TMPRSS11E: variants seen among roughly 807,000 people sequenced by gnomAD.
The protein encoded by TMPRSS11E is transmembrane protease serine 11E.
In TMPRSS11E, 38 loss-of-function variants were observed where a neutral mutation model predicts 48.1. The observed-to-expected ratio is 0.79, with a 90% CI of 0.61 to 1.04. The LOEUF is 1.04. Among genes scored for constraint, TMPRSS11E ranks in the 50% least tolerant of loss-of-function variants. The pLI, the probability that TMPRSS11E is intolerant of heterozygous loss-of-function variation, is 0.00. For missense variants in TMPRSS11E, 530 were observed against 510.8 expected (o/e 1.04, Z -0.36); for synonymous variants, 158 against 171.9 (o/e 0.92, Z 0.63).
intron 9 of TMPRSS11E, among the ~76,000 whole-genome samples, chr4:68,492,894 G>A (rs893153019): frequency 6.6e-6 from 1 of 152,222 alleles, no homozygotes; most frequent in African/African-American, 2.4e-5. Flanking sequence ...AATCATTGAT[G>A]GTTTAGATAT....
At position 68,482,786 on chromosome 4, in the gene TMPRSS11E, A is replaced by AT. The variant is rs1729445444; in HGVS notation, c.1110+3795_1110+3796insT. Among the ~76,000 whole-genome samples, 9 of 152,032 alleles carry AT rather than the reference A, an allele frequency of 5.9e-5. No individual in the cohort carries two copies. In the South Asian group the frequency reaches 1.9e-3, roughly 32 times the overall value. On this transcript the variant is annotated intron_variant, in intron 9 of 9. Transcript: ENST00000305363. Reference sequence around the variant, plus strand: ...GACTTCATCTTGGGGAAAAAAAAAAAGTCTGAAGTCCAAAGTCTCATCTGA... The same window carrying AT: ...GACTTCATCTTGGGGAAAAAAAAAAATGTCTGAAGTCCAAAGTCTCATCTGA...
chr4:68,474,210 G>A (rs929458185), intron 5 of TMPRSS11E, among the ~76,000 whole-genome samples: 2 of 152,100 alleles, frequency 1.3e-5, no homozygotes, highest in African/African-American at 4.8e-5. Context: ...TTCAAAAAGG[G>A]TAACATTGTT....
chr4:68,463,302 C>T (rs534561128), intron 2 of TMPRSS11E, among the ~76,000 whole-genome samples: 3 of 152,034 alleles, frequency 2.0e-5, no homozygotes, highest in African/African-American at 7.2e-5. Flanking sequence ...TTCTGTAGCA[C>T]ACTTTTTTTT....
chr4:68,471,974 A>AT (rs1578138638), intron 5 of TMPRSS11E, among the ~76,000 whole-genome samples: 1 of 151,942 alleles, frequency 6.6e-6, no homozygotes, highest in African/African-American at 2.4e-5. Context: ...GGAAAGGTTC[A>AT]TGCCATTTAC....
intron 9 of TMPRSS11E, among the ~76,000 whole-genome samples, chr4:68,495,877 G>C (rs554822536): frequency 6.6e-6 from 1 of 152,174 alleles, no homozygotes; most frequent in East Asian, 1.9e-4. Flanking sequence ...AATCAATTAA[G>C]AACTTCATAG....
At chr4:68,493,722 A>T (rs1220685502) in intron 9 of TMPRSS11E, among the ~76,000 whole-genome samples, 1 of 152,056 alleles carries the variant, frequency 6.6e-6, no homozygotes, top group Non-Finnish European at 1.5e-5. Flanking sequence ...TCCTGACCTC[A>T]GGAGATCTAC....
chr4:68,450,180 T>C (rs1015691216), intron 1 of TMPRSS11E, among the ~76,000 whole-genome samples: 5 of 151,906 alleles, frequency 3.3e-5, no homozygotes, highest in African/African-American at 1.2e-4. Flanking sequence ...ACACTTCTCC[T>C]TCAACTAGAA....
At chr4:68,455,524 A>G (rs574117348) in intron 1 of TMPRSS11E, among the ~76,000 whole-genome samples, 21 of 152,026 alleles carry the variant, frequency 1.4e-4, no homozygotes, top group Admixed American at 1.2e-3. Flanking sequence ...CTTCCATTCT[A>G]TCATGCAAAC....
chr4:68,460,943 C>A (rs188079452), intron 1 of TMPRSS11E, among the ~76,000 whole-genome samples: 1 of 151,510 alleles, frequency 6.6e-6, no homozygotes, highest in Admixed American at 6.6e-5. Flanking sequence ...TGCAGTGGCC[C>A]GATCTTAGCT....
chr4:68,493,719 C>T (rs964877226), intron 9 of TMPRSS11E, among the ~76,000 whole-genome samples: 3 of 152,092 alleles, frequency 2.0e-5, no homozygotes, highest in Non-Finnish European at 4.4e-5. Context: ...AGCTCCTGAC[C>T]TCAGGAGATC....
At chr4:68,452,096 CA>C (rs1223440419) in intron 1 of TMPRSS11E, among the ~76,000 whole-genome samples, 1 of 151,806 alleles carries the variant, frequency 6.6e-6, no homozygotes, top group Non-Finnish European at 1.5e-5. Flanking sequence ...ACAAAATGCT[CA>C]AAGATGAGAT....
chr4:68,470,271 A>C (rs35957239), intron 4 of TMPRSS11E, among the ~76,000 whole-genome samples: 8,257 of 151,932 alleles, frequency 0.054, 279 homozygotes, highest in South Asian at 0.079. Context: ...ATTTAAGGTG[A>C]TGGAAGGAAT....
intron 2 of TMPRSS11E, among the ~76,000 whole-genome samples, chr4:68,463,128 G>T (rs910100036): frequency 2.0e-5 from 3 of 152,112 alleles, no homozygotes; most frequent in Non-Finnish European, 2.9e-5. Context: ...CTGTAACCTG[G>T]TTATCTTCCT....
intron 6 of TMPRSS11E, among the ~76,000 whole-genome samples, chr4:68,475,781 A>G (rs922673513): frequency 5.3e-5 from 8 of 152,200 alleles, no homozygotes; most frequent in African/African-American, 1.7e-4. Flanking sequence ...GTGGATCTAC[A>G]GTATATAGGC....
At chr4:68,469,276 C>A (rs1729001869) in intron 4 of TMPRSS11E, among the ~76,000 whole-genome samples, 1 of 151,918 alleles carries the variant, frequency 6.6e-6, no homozygotes, top group Non-Finnish European at 1.5e-5. Flanking sequence ...CCATGTAAGA[C>A]AATATAGTAG....
chr4:68,466,072 A>C (rs1217244429), intron 2 of TMPRSS11E, among the ~76,000 whole-genome samples: 3 of 152,152 alleles, frequency 2.0e-5, no homozygotes, highest in Non-Finnish European at 4.4e-5. Context: ...TGTCCCTGGA[A>C]GGTTATGCCA....
chr4:68,478,372 G>C (rs1729297779), intron 8 of TMPRSS11E, among the ~76,000 whole-genome samples: 1 of 149,626 alleles, frequency 6.7e-6, no homozygotes, highest in Admixed American at 6.7e-5. Flanking sequence ...TCAAACTCTT[G>C]ACCTCAGGTG....
At position 68,492,827 on chromosome 4, in the gene TMPRSS11E, G is replaced by A. The variant is rs555758002; in HGVS notation, c.1111-3816G>A. Among the ~76,000 whole-genome samples, 6 of 152,216 alleles carry A rather than the reference G, an allele frequency of 3.9e-5. No homozygotes were observed. The South Asian group carries it at 6.2e-4, about 16-fold the overall frequency. ...CATTTGTGGTGACTTCACAGAACAC[G>A]ACTACCATGAATAATGAGAATAACC... On this transcript the variant is annotated intron_variant, in intron 9 of 9. Coordinates refer to ENST00000305363, the MANE Select transcript of TMPRSS11E (RefSeq NM_014058.4).
In TMPRSS11E at chr4:68,471,456, A is replaced by T; in HGVS notation, c.327-4A>T. 5 of 1,374,050 alleles carry T rather than the reference A, an allele frequency of 3.6e-6. No individual in the cohort carries two copies. The highest frequency in any genetic ancestry group is 4.7e-6 in the Non-Finnish European group (5 of 1,058,132). The allele number at this position is 1,374,050 out of a possible 1,614,324, so 85.1% of individuals were successfully genotyped here. A position where few individuals can be genotyped will look rare whatever the true frequency, so the allele number is the denominator to read the frequency against. On this transcript the variant is annotated splice_polypyrimidine_tract_variant and splice_region_variant and intron_variant, in intron 4 of 9. Coordinates refer to ENST00000305363, the MANE Select transcript of TMPRSS11E (RefSeq NM_014058.4). ...CTTTCATTTTCTTCTTTTTTGGCCC[A>T]CAGTCAACAGAAGCATGGAGTGTTG... is the stretch of plus-strand genomic sequence containing the variant.
Sources: gnomAD v4.1 joint callset for allele counts (sites outside exome capture counted in the v4.1 genomes callset) on GRCh38, gnomAD v4.1.1 for gene constraint, MANE v1.5 for transcripts, NCBI Gene and HGNC (gene_info 2026-07-23, HGNC 2026-07-21) for gene names.